ZNF134: variants seen among roughly 807,000 people sequenced by gnomAD.
ZNF134 encodes zinc finger protein 134 (clone pHZ-15).
In ZNF134, 5 loss-of-function variants were observed where a neutral mutation model predicts 2.5. The ratio of observed to expected loss-of-function variants is 2.03; its 90% CI spans 1.06 to 4.27. ZNF134 has a LOEUF of 4.27. Among genes scored for constraint, ZNF134 ranks in the 30% most tolerant of loss-of-function variants. The probability of loss-of-function intolerance (pLI) is 0.00; values close to 1 mark genes in which losing one functional copy is unlikely to be tolerated. For synonymous variants in ZNF134, 176 were observed against 176.2 expected (o/e 1.00, Z 0.01); for missense variants, 540 against 517.5 (o/e 1.04, Z -0.42).
intron 1 of ZNF134, among the ~76,000 whole-genome samples, chr19:57,615,629 C>G (rs890673464): frequency 3.3e-5 from 5 of 152,094 alleles, no homozygotes; most frequent in African/African-American, 7.2e-5. Flanking sequence ...TATCTCTAAC[C>G]CATAGTCCCT....
rs1422024196 is a variant in ZNF134, at chr19:57,614,451, CG to C, written c.-107del. The C allele has an allele frequency of 4.6e-6, 2 of 439,398 alleles. No individual in the cohort carries two copies. The highest frequency in any genetic ancestry group is 4.1e-5 in the African/African-American group (2 of 49,154). 27.2% of individuals were successfully genotyped at this position (439,398 alleles called of 1,614,324 possible). Reference sequence around the variant, plus strand: ...GCGACCTGGGACCCCCTCGCGGCTCCGGGTGGTCTACGAACTGTGATGGCGG... The same window carrying C: ...GCGACCTGGGACCCCCTCGCGGCTCCGGTGGTCTACGAACTGTGATGGCGG... On this transcript the variant is annotated 5_prime_UTR_variant, in exon 1 of 3. Coordinates refer to ENST00000396161, the MANE Select transcript of ZNF134 (RefSeq NM_003435.5).
Position 57,621,248 on chromosome 19 carries a change from T to C in ZNF134, c.1129T>C (p.Cys377Arg), listed in dbSNP as rs771263495. The change falls in exon 3 of 3, where the codon TGT becomes CGT. Residue 377 changes from cysteine to arginine, a missense_variant. Transcript: ENST00000396161. ...TGAAAGGCCTTTTGTGTGCAGTAAA[T>C]GTGGGAAAGACTTTATCAGAACCTC... ...TGERPFVCSK[C>R]GKDFIRTSHL... is the part of the protein sequence containing the mutation. The C allele has an allele frequency of 6.2e-7, 1 of 1,614,168 alleles. No individual in the cohort carries two copies. The highest frequency in any genetic ancestry group is 8.5e-7 in the Non-Finnish European group (1 of 1,180,042).
chr19:57,621,403 G>A lies in ZNF134; in HGVS notation c.1284G>A (p.Ter428=). The change falls in exon 3 of 3, where the codon TAG becomes TAA. Residue 428 remains the stop codon, a stop_retained_variant. Coordinates refer to ENST00000396161, the MANE Select transcript of ZNF134 (RefSeq NM_003435.5). ...HQKVHTAGRL[*] ...AAGTTCACACTGCAGGCAGGCTTTA[G>A]GAGTGCTTTGAATACAACAGGACTC... The A allele has an allele frequency of 6.2e-7, 1 of 1,612,536 alleles. No individual in the cohort carries two copies.
In ZNF134 at chr19:57,624,658, G is replaced by C. The variant is rs1052705072; in HGVS notation, c.*3255G>C. The C allele has an allele frequency of 3.3e-5, 5 of 152,162 alleles. No individual in the cohort carries two copies. The highest frequency in any genetic ancestry group is 1.2e-4 in the African/African-American group (5 of 41,420). The allele number at this position is 152,162 out of a possible 1,614,324, so 9.4% of individuals were successfully genotyped here. A position where few individuals can be genotyped will look rare whatever the true frequency, so the allele number is the denominator to read the frequency against. On this transcript the variant is annotated 3_prime_UTR_variant, in exon 3 of 3. Coordinates refer to ENST00000396161, the MANE Select transcript of ZNF134 (RefSeq NM_003435.5). ...TTGTTTTGCATGACTTGCTCTCAGG[G>C]GCACTCCCACACTTCTCTCTTGTGT...
In ZNF134 at chr19:57,620,409, A is replaced by C. The variant is rs776950549; in HGVS notation, c.290A>C (p.Gln97Pro). The C allele has an allele frequency of 1.2e-6, 2 of 1,614,220 alleles. No individual in the cohort carries two copies. The highest frequency in any genetic ancestry group is 1.7e-6 in the Non-Finnish European group (2 of 1,180,036). The change falls in exon 3 of 3, where the codon CAG becomes CCG. Residue 97 changes from glutamine to proline, a missense_variant. Physicochemically the swap from Gln to Pro is moderately conservative, Grantham distance 76 (BLOSUM62 -1). Transcript: ENST00000396161. ...FWFSANLHQY[Q>P]KCYSIEQPLR... ...TTCAGTGCAAACCTTCATCAGTACC[A>C]GAAGTGTTACAGTATAGAGCAACCC...
intron 1 of ZNF134, among the ~76,000 whole-genome samples, chr19:57,617,272 G>A (rs1981079962): frequency 6.6e-6 from 1 of 152,214 alleles, no homozygotes; most frequent in Non-Finnish European, 1.5e-5. Context: ...GACTGTGGGA[G>A]TGAGGATGAA....
rs375184866 is a variant in ZNF134, at chr19:57,622,237, G to A, written c.*834G>A. On this transcript the variant is annotated 3_prime_UTR_variant, in exon 3 of 3. Coordinates refer to ENST00000396161, the MANE Select transcript of ZNF134 (RefSeq NM_003435.5). ...TGAAACAGCATGGATTGGGTGTCTT[G>A]TTTGCAGCATGTGTCCCATGTTCCC... is the stretch of plus-strand genomic sequence containing the variant. 18 of 152,892 alleles carry A rather than the reference G, an allele frequency of 1.2e-4. No individual in the cohort carries two copies. Among genetic ancestry groups the A allele is most frequent in the African/African-American group, 4.1e-4 (17 of 41,546 alleles). 9.5% of individuals were successfully genotyped at this position (152,892 alleles called of 1,614,324 possible).
Position 57,620,817 on chromosome 19 carries a change from A to G in ZNF134, c.698A>G (p.Glu233Gly). 6.2e-7 allele frequency: 1 copy of G among 1,614,228 alleles called. No individual in the cohort carries two copies. The highest frequency in any genetic ancestry group is 1.1e-5 in the South Asian group (1 of 91,086). The change falls in exon 3 of 3, where the codon GAA becomes GGA. Residue 233 changes from glutamate to glycine, a missense_variant. Glu to Gly is a moderately conservative substitution (Grantham distance 98). Transcript: ENST00000396161. The stretch of plus-strand genomic sequence containing the variant: ...ATCCATACTGGAGAAAGGCCTTATG[A>G]ATGCAGCGAATGTGGAAAAACCTTC... The part of the protein sequence containing the change: ...QRIHTGERPY[E>G]CSECGKTFSR...
At chr19:57,619,774 A>G (rs998281722) in intron 2 of ZNF134, 73 of 564,496 alleles carry the variant, frequency 1.3e-4, no homozygotes, top group African/African-American at 1.2e-3. Context: ...CTATTGTGTC[A>G]TAAGATGTGT....
At position 57,620,268 on chromosome 19, in the gene ZNF134, TC is replaced by T; in HGVS notation, c.152del (p.Pro51LeufsTer9). The T allele has an allele frequency of 6.2e-7, 1 of 1,614,182 alleles. No homozygotes were observed. The highest frequency in any genetic ancestry group is 1.3e-5 in the African/African-American group (1 of 75,048). On this transcript the variant is annotated frameshift_variant, in exon 3 of 3. Coordinates refer to ENST00000396161, the MANE Select transcript of ZNF134 (RefSeq NM_003435.5). LOFTEE classifies it low-confidence loss of function (END_TRUNC). The stretch of plus-strand genomic sequence containing the variant: ...GCAGGTTTGCCCGCACAGACGGCTC[TC>T]CCTTGTGACATATGTGGCCCCATCT... ...SKAGLPAQTA[L>X]PCDICGPILK...
chr19:57,617,555 T>A (rs565648159), intron 1 of ZNF134, among the ~76,000 whole-genome samples: 1 of 152,260 alleles, frequency 6.6e-6, no homozygotes, highest in African/African-American at 2.4e-5. Context: ...GCAGTTTGGC[T>A]ATGTGGAATC....
intron 1 of ZNF134, 125 bp from the exon 2 acceptor site, chr19:57,619,287 C>A: frequency 1.3e-6 from 1 of 752,238 alleles, no homozygotes; most frequent in Non-Finnish European, 2.2e-6. Context: ...CTGCACTGTT[C>A]CTGCAGGACA....
chr19:57,620,016 A>G, intron 2 of ZNF134, 144 bp from the exon 3 acceptor site: 1 of 878,628 alleles, frequency 1.1e-6, no homozygotes, highest in South Asian at 1.7e-5. Flanking sequence ...ACTGTACAGC[A>G]GCCCTTTTTT....
chr19:57,621,644 G>T lies in ZNF134; in HGVS notation c.*241G>T, dbSNP rs1215372122. ...ATTGGGGAAGGCAGGGTTTTGTATTGTCCAGTCCCTGGAGAAAATCATGAA... is the reference window on the plus strand; with the variant it reads ...ATTGGGGAAGGCAGGGTTTTGTATTTTCCAGTCCCTGGAGAAAATCATGAA... On this transcript the variant is annotated 3_prime_UTR_variant, in exon 3 of 3. Coordinates refer to ENST00000396161, the MANE Select transcript of ZNF134 (RefSeq NM_003435.5). 3 of 696,254 alleles carry T rather than the reference G, an allele frequency of 4.3e-6. No individual in the cohort carries two copies. The highest frequency in any genetic ancestry group is 3.5e-5 in the African/African-American group (2 of 57,218). 43.1% of individuals were successfully genotyped at this position (696,254 alleles called of 1,614,324 possible).
rs1413175912 is a variant in ZNF134 at position 57,620,667 on chromosome 19, A to G, written c.548A>G (p.Lys183Arg). ...CATTACAAGTGCAGTGAATGTGGGAAAGCTTTCAGCCGCAAAGACACACTT... is the reference window on the plus strand; with the variant it reads ...CATTACAAGTGCAGTGAATGTGGGAGAGCTTTCAGCCGCAAAGACACACTT... ...QMHYKCSECG[K>R]AFSRKDTLVQ... Residue 183 changes from lysine to arginine, a missense_variant, in exon 3 of 3, where the codon AAA becomes AGA. Lys to Arg is a conservative substitution (Grantham distance 26). Transcript: ENST00000396161. The G allele has an allele frequency of 4.3e-6, 7 of 1,614,218 alleles. No homozygotes were observed. Among genetic ancestry groups the G allele is most frequent in the Non-Finnish European group, 5.9e-6 (7 of 1,180,028 alleles).
rs182974945 is a variant in ZNF134, at chr19:57,621,884, G to T, written c.*481G>T. On this transcript the variant is annotated 3_prime_UTR_variant, in exon 3 of 3. Transcript: ENST00000396161. ...CCTGGGAAAGTACTTGCCTCATGTT[G>T]CTCTGGTTTGTGATAATAAAGGCTT... 7 of 272,880 alleles carry T rather than the reference G, an allele frequency of 2.6e-5. No individual in the cohort carries two copies. The East Asian group carries it at 6.1e-4, about 24-fold the overall frequency. 16.9% of individuals were successfully genotyped at this position (272,880 alleles called of 1,614,324 possible).
chr19:57,624,231 A>T lies in ZNF134; in HGVS notation c.*2828A>T, dbSNP rs1475980765. ...TCCCCTTTTGAAACAATGCATATAC[A>T]TATAACTATTATCCTAGGTCTTTCC... On this transcript the variant is annotated 3_prime_UTR_variant, in exon 3 of 3. Transcript: ENST00000396161. 6.6e-6 allele frequency: 1 copy of T among 152,138 alleles called. No individual in the cohort carries two copies. The allele number at this position is 152,138 out of a possible 1,614,324, so 9.4% of individuals were successfully genotyped here.
In ZNF134 at chr19:57,621,439, T is replaced by C. The variant is rs1195928695; in HGVS notation, c.*36T>C. On this transcript the variant is annotated 3_prime_UTR_variant, in exon 3 of 3. Transcript: ENST00000396161. The stretch of plus-strand genomic sequence containing the variant: ...AATACAACAGGACTCATCAATCAGA[T>C]GTTGAATTTCATGTATCTGAACATT... The C allele has an allele frequency of 6.2e-7, 1 of 1,607,696 alleles. No homozygotes were observed. The highest frequency in any genetic ancestry group is 1.7e-5 in the Admixed American group (1 of 60,030).
At chr19:57,619,277 C>T in intron 1 of ZNF134, 135 bp from the exon 2 acceptor site, 2 of 699,756 alleles carry the variant, frequency 2.9e-6, no homozygotes, top group East Asian at 5.4e-5. Flanking sequence ...TGTGGGCCCA[C>T]TGCACTGTTC....
Sources: gnomAD v4.1 joint callset for allele counts (sites outside exome capture counted in the v4.1 genomes callset) on GRCh38, gnomAD v4.1.1 for gene constraint, MANE v1.5 for transcripts, NCBI Gene and HGNC (gene_info 2026-07-23, HGNC 2026-07-21) for gene names.